Variants in ZYG11B observed in about 807,000 individuals in gnomAD.
ZYG11B encodes the protein zyg-11 family member B, cell cycle regulator, also known as protein zyg-11 homolog B.
A neutral mutation model predicts 82.4 loss-of-function variants in ZYG11B; 36 were observed. The observed-to-expected ratio is 0.44, with a 90% CI of 0.33 to 0.58. The LOEUF is 0.58. Among genes scored for constraint, ZYG11B ranks in the 20% least tolerant of loss-of-function variants. The pLI is 0.02. For missense variants in ZYG11B, 552 were observed against 895.6 expected (o/e 0.62, Z 4.90); for synonymous variants, 303 against 312.8 (o/e 0.97, Z 0.33).
chr1:52,821,404 C>A (rs771062380), intron 13 of ZYG11B, 35 bp from the exon 14 acceptor site: 1 of 1,520,850 alleles, frequency 6.6e-7, no homozygotes, highest in South Asian at 1.3e-5. Context: ...AAAGCTATTT[C>A]TCCTGTTTTG....
At chr1:52,769,264 C>T (rs1644725859) in intron 2 of ZYG11B, among the ~76,000 whole-genome samples, 1 of 152,064 alleles carries the variant, frequency 6.6e-6, no homozygotes, top group Admixed American at 6.6e-5. Flanking sequence ...AAGGCTGTCT[C>T]TAGAACTACA....
intron 13 of ZYG11B, among the ~76,000 whole-genome samples, chr1:52,820,206 G>A (rs1003770645): frequency 5.3e-5 from 8 of 151,562 alleles, no homozygotes; most frequent in African/African-American, 1.7e-4. Context: ...GAGCCACCAC[G>A]CCCAGCCCCT....
chr1:52,767,216 G>T (rs1644702440), intron 2 of ZYG11B, among the ~76,000 whole-genome samples: 1 of 148,526 alleles, frequency 6.7e-6, no homozygotes, highest in Non-Finnish European at 1.5e-5. Context: ...GTTATTTTAT[G>T]TTATTTTATT....
At chr1:52,796,967 AATAT>A (rs753622042) in intron 8 of ZYG11B, among the ~76,000 whole-genome samples, 183 bp downstream of exon 8, 5 of 78,144 alleles carry the variant, frequency 6.4e-5, no homozygotes, top group African/African-American at 2.0e-4. Flanking sequence ...TATTATATAT[AATAT>A]ATATAAATAT....
At position 52,816,972 on chromosome 1, in the gene ZYG11B, A is replaced by T. The variant is rs188909642; in HGVS notation, c.2044+343A>T. Among the ~76,000 whole-genome samples the T allele has an allele frequency of 2.3e-3, 343 of 149,024 alleles. 11 individuals carry two copies. The East Asian group carries it at 0.056, about 24-fold the overall frequency. ...CCCGGCTAATTTTTGTATTATTATT[A>T]TTTTTTTTTAGTAGAGACGGGGTTT... On this transcript the variant is annotated intron_variant, in intron 13 of 13. Coordinates refer to ENST00000294353, the MANE Select transcript of ZYG11B (RefSeq NM_024646.3).
rs150391406 is a variant in ZYG11B at position 52,749,163 on chromosome 1, A to G, written c.31-7295A>G. 4.8e-4 allele frequency among the ~76,000 whole-genome samples: 73 copies of G among 152,334 alleles called. No homozygotes were observed. In the East Asian group the frequency reaches 0.013, roughly 28 times the overall value. On this transcript the variant is annotated intron_variant, in intron 1 of 13. Transcript: ENST00000294353. ...GGTTGCAGTGAGCCGAGATCGTGCC[A>G]TTGCATTCCAGCTTGGACAACAAGT...
chr1:52,750,609 T>C (rs1439701967), intron 1 of ZYG11B, among the ~76,000 whole-genome samples: 1 of 152,158 alleles, frequency 6.6e-6, no homozygotes, highest in African/African-American at 2.4e-5. Context: ...TATTGAGATA[T>C]AATTCACATA....
intron 3 of ZYG11B, among the ~76,000 whole-genome samples, chr1:52,776,229 A>AAAAAAAAAAAAAAAAATATATATAT: frequency 4.2e-5 from 1 of 23,540 alleles, no homozygotes; most frequent in African/African-American, 9.5e-5. Context: ...TAAAAAAAAA[A>AAAAAAAAAAAAAAAAATATATATAT]ATATATATAT....
At chr1:52,741,298 CAAAA>C (rs770092920) in intron 1 of ZYG11B, among the ~76,000 whole-genome samples, 4,565 of 72,204 alleles carry the variant, frequency 0.063, 245 homozygotes, top group African/African-American at 0.19. Context: ...GACTTCGTCT[CAAAA>C]AAAAAAAAAA....
At chr1:52,789,861 C>A in intron 5 of ZYG11B, 142 bp from the exon 6 acceptor site, 2 of 513,632 alleles carry the variant, frequency 3.9e-6, no homozygotes, top group Admixed American at 3.8e-5. Context: ...CCTTTCAATA[C>A]TAGGGGGGCA....
chr1:52,755,748 A>G (rs577364573), intron 1 of ZYG11B, among the ~76,000 whole-genome samples: 1 of 142,764 alleles, frequency 7.0e-6, no homozygotes, highest in Non-Finnish European at 1.5e-5. Context: ...CAGGTGATCC[A>G]CCTGCCTCGG....
intron 12 of ZYG11B, among the ~76,000 whole-genome samples, chr1:52,814,286 G>C (rs1262805794): frequency 6.6e-6 from 1 of 152,190 alleles, no homozygotes; most frequent in Non-Finnish European, 1.5e-5. Context: ...CCCCCTAAGT[G>C]CTGGGATTAC....
intron 10 of ZYG11B, among the ~76,000 whole-genome samples, chr1:52,810,767 G>A (rs766822525): frequency 6.6e-6 from 1 of 152,102 alleles, no homozygotes; most frequent in Non-Finnish European, 1.5e-5. Context: ...GGGCAGGGTG[G>A]CTCACACCTG....
At position 52,813,549 on chromosome 1, in the gene ZYG11B, A is replaced by T; in HGVS notation, c.1709A>T (p.Glu570Val). 1.9e-6 allele frequency: 3 copies of T among 1,611,396 alleles called. No individual in the cohort carries two copies. Among genetic ancestry groups the T allele is most frequent in the Non-Finnish European group, 2.5e-6 (3 of 1,177,938 alleles). ...TTTTTTTTCCAGAACAATATAGCTGAAGTACAAGAATTACATTCTGAATTA... is the reference window on the plus strand; with the variant it reads ...TTTTTTTTCCAGAACAATATAGCTGTAGTACAAGAATTACATTCTGAATTA... ...KVLGLLNNIA[E>V]VQELHSELMW... is the part of the protein sequence containing the mutation. The change falls in exon 11 of 14, where the codon GAA (glutamate) becomes GTA (valine). Residue 570 changes from glutamate to valine, a missense_variant. This residue lies in a region of ZYG11B where 66 missense variants were observed against 176.4 expected (regional missense o/e 0.37). Transcript: ENST00000294353.
In ZYG11B at chr1:52,809,648, G is replaced by T. The variant is rs559920356; in HGVS notation, c.1696-3888G>T. ...ACATTCCCACCAACAGTGTCCAAGGGTTCCGATTTCTCCACATTCTCACCG... is the reference window on the plus strand; with the variant it reads ...ACATTCCCACCAACAGTGTCCAAGGTTTCCGATTTCTCCACATTCTCACCG... On this transcript the variant is annotated intron_variant, in intron 10 of 13. Coordinates refer to ENST00000294353, the MANE Select transcript of ZYG11B (RefSeq NM_024646.3). Among the ~76,000 whole-genome samples, 261 of 151,968 alleles carry T rather than the reference G, an allele frequency of 1.7e-3. 2 individuals are homozygous for T. The highest frequency in any genetic ancestry group is 6.2e-3 in the African/African-American group (255 of 41,432).
chr1:52,809,726 G>A (rs1321807585), intron 10 of ZYG11B, among the ~76,000 whole-genome samples: 3 of 152,010 alleles, frequency 2.0e-5, no homozygotes, highest in East Asian at 1.9e-4. Context: ...GTCTGAGACA[G>A]TATCTTGTAG....
At position 52,803,109 on chromosome 1, in the gene ZYG11B, TATATATATAC is replaced by T. The variant is rs1558140051; in HGVS notation, c.1695+972_1695+981del. 2.9e-3 allele frequency among the ~76,000 whole-genome samples: 260 copies of T among 90,572 alleles called. 15 individuals carry two copies. Among genetic ancestry groups the T allele is most frequent in the Middle Eastern group, 0.011 (2 of 174 alleles). The allele number at this position is 90,572 out of a possible 152,430, so 59.4% of individuals were successfully genotyped here. On this transcript the variant is annotated intron_variant, in intron 10 of 13. Transcript: ENST00000294353. ...ACACATATATATATACATATATATA[TATATATATAC>T]ACACATATATATATACACACATATA...
At position 52,726,621 on chromosome 1, in the gene ZYG11B, C is replaced by A; in HGVS notation, c.-33C>A. On this transcript the variant is annotated 5_prime_UTR_variant, in exon 1 of 14. Transcript: ENST00000294353. ...GCTCAGCCTGGGGGCGGGCTCCGGTCCGGCCCGCCGCCGCACCCAGGACGG... is the reference window on the plus strand; with the variant it reads ...GCTCAGCCTGGGGGCGGGCTCCGGTACGGCCCGCCGCCGCACCCAGGACGG... 1 of 1,424,332 alleles carries A rather than the reference C, an allele frequency of 7.0e-7. No homozygotes were observed. The highest frequency in any genetic ancestry group is 9.1e-7 in the Non-Finnish European group (1 of 1,094,970). The allele number at this position is 1,424,332 out of a possible 1,614,324, so 88.2% of individuals were successfully genotyped here.
chr1:52,806,206 T>C (rs1020937152), intron 10 of ZYG11B, among the ~76,000 whole-genome samples: 3 of 152,196 alleles, frequency 2.0e-5, no homozygotes, highest in African/African-American at 7.2e-5. Flanking sequence ...TTGGTAAATA[T>C]TCCATGTACA....
Sources: gnomAD v4.1 joint callset for allele counts (sites outside exome capture counted in the v4.1 genomes callset) on GRCh38, gnomAD v4.1.1 for gene constraint, gnomAD v4.1.1 regional missense constraint, MANE v1.5 for transcripts, NCBI Gene and HGNC (gene_info 2026-07-23, HGNC 2026-07-21) for gene names.